SNX5: variants seen among roughly 807,000 people sequenced by gnomAD.
The protein encoded by SNX5 is sorting nexin-5.
In SNX5, 31 loss-of-function variants were observed where a neutral mutation model predicts 53.9. The observed-to-expected ratio is 0.58, with a 90% CI of 0.43 to 0.78. The LOEUF is 0.78. Among genes scored for constraint, SNX5 ranks in the 30% least tolerant of loss-of-function variants. The pLI, the probability that SNX5 is intolerant of heterozygous loss-of-function variation, is 0.00. For synonymous variants in SNX5, 168 were observed against 171.1 expected (o/e 0.98, Z 0.14); for missense variants, 471 against 478.8 (o/e 0.98, Z 0.15).
At chr20:17,949,260 A>G (rs1191027891) in intron 8 of SNX5, among the ~76,000 whole-genome samples, 157 bp from the exon 9 acceptor site, 5 of 152,176 alleles carry the variant, frequency 3.3e-5, no homozygotes, top group South Asian at 2.1e-4. Context: ...ACTGACCCCA[A>G]ATAGTAGAGA....
rs2039434229 is a variant in SNX5 at position 17,942,739 on chromosome 20, G to A, written c.1165-332C>T. Reference sequence around the variant, plus strand: ...AGTGCGTTGTTCCATGAAGGCAAGGGCCTTGGAAAGATTGAATAAAAGTTG... The same window carrying A: ...AGTGCGTTGTTCCATGAAGGCAAGGACCTTGGAAAGATTGAATAAAAGTTG... On this transcript the variant is annotated intron_variant, in intron 12 of 12. Coordinates refer to ENST00000377759, the MANE Select transcript of SNX5 (RefSeq NM_014426.4). 3.7e-5 allele frequency: 14 copies of A among 373,924 alleles called. No individual in the cohort carries two copies. The South Asian group carries it at 5.1e-4, about 14-fold the overall frequency. 23.2% of individuals were successfully genotyped at this position (373,924 alleles called of 1,614,324 possible).
Position 17,941,649 on chromosome 20 carries a change from A to G in SNX5, c.*708T>C, listed in dbSNP as rs931587892. The G allele has an allele frequency of 6.6e-6, 1 of 152,164 alleles. No homozygotes were observed. Among genetic ancestry groups the G allele is most frequent in the African/African-American group, 2.4e-5 (1 of 41,410 alleles). 9.4% of individuals were successfully genotyped at this position (152,164 alleles called of 1,614,324 possible). On this transcript the variant is annotated 3_prime_UTR_variant, in exon 13 of 13. Transcript: ENST00000377759. The stretch of plus-strand genomic sequence containing the variant: ...ATGCTTTATAAAAAAACAAACACCC[A>G]AAGACATACAACACACCGCCCTCAC...
At chr20:17,958,002 CAAAAAA>C (rs59621613) in intron 1 of SNX5, among the ~76,000 whole-genome samples, 8 of 107,832 alleles carry the variant, frequency 7.4e-5, no homozygotes, top group African/African-American at 1.4e-4. Context: ...TTCTGCCCGT[CAAAAAA>C]AAAAAAAAAA....
chr20:17,951,431 C>G, intron 6 of SNX5, 69 bp downstream of exon 6: 1 of 894,164 alleles, frequency 1.1e-6, no homozygotes. Flanking sequence ...GTATCTCTTT[C>G]AAAGAAACAA....
Position 17,968,502 on chromosome 20 carries a change from G to C in SNX5, c.-77C>G, listed in dbSNP as rs968268850. 4.8e-6 allele frequency: 6 copies of C among 1,260,088 alleles called. No homozygotes were observed. Among genetic ancestry groups the C allele is most frequent in the Non-Finnish European group, 6.0e-6 (6 of 991,864 alleles). The allele number at this position is 1,260,088 out of a possible 1,614,324, so 78.1% of individuals were successfully genotyped here. ...GCTGGGCCGCCGCCGCCGCCGCCTG[G>C]GCGCCTCTCGGGGGCGGCCACGGCC... On this transcript the variant is annotated 5_prime_UTR_variant, in exon 1 of 13. Coordinates refer to ENST00000377759, the MANE Select transcript of SNX5 (RefSeq NM_014426.4).
At position 17,951,506 on chromosome 20, in the gene SNX5, T is replaced by G. The variant is rs1429912003; in HGVS notation, c.603A>C (p.Gly201=). 1.2e-6 allele frequency: 2 copies of G among 1,608,460 alleles called. No homozygotes were observed. The highest frequency in any genetic ancestry group is 1.7e-6 in the Non-Finnish European group (2 of 1,176,608). ...VKSADEVLFT[G]VKEVDDFFEQ... is the part of the protein sequence containing the mutation. ...ACAGCCAAAGGTCACTTACCTTAAC[T>G]CCAGTAAAAAGGACTTCATCAGCAC... Residue 201 remains glycine (G), a synonymous_variant, in exon 6 of 13, where the codon GGA becomes GGC. Coordinates refer to ENST00000377759, the MANE Select transcript of SNX5 (RefSeq NM_014426.4).
intron 12 of SNX5, chr20:17,942,773 T>C (rs979709349): frequency 2.8e-6 from 1 of 361,224 alleles, no homozygotes; most frequent in African/African-American, 2.1e-5. Context: ...TGCTAGAAAT[T>C]AGGGCTGGGA....
chr20:17,943,796 G>A (rs1219864202), intron 11 of SNX5: 1 of 152,160 alleles, frequency 6.6e-6, no homozygotes, highest in Non-Finnish European at 1.5e-5. Flanking sequence ...TGGTATAGAG[G>A]TTCCTCAAAA....
intron 12 of SNX5, 33 bp downstream of exon 12, chr20:17,943,077 A>C: frequency 7.1e-7 from 1 of 1,410,004 alleles, no homozygotes; most frequent in Non-Finnish European, 1.0e-6. Context: ...AAAACCATAA[A>C]AGATGTTGGC....
Position 17,956,673 on chromosome 20 carries a change from C to CAAAAAAAAAAAA in SNX5, c.156+248_156+259dup, listed in dbSNP as rs59252584. Among the ~76,000 whole-genome samples the CAAAAAAAAAAAA allele has an allele frequency of 8.7e-4, 74 of 84,866 alleles. 3 individuals carry two copies. Among genetic ancestry groups the CAAAAAAAAAAAA allele is most frequent in the African/African-American group, 1.6e-3 (33 of 21,004 alleles). 55.7% of individuals were successfully genotyped at this position (84,866 alleles called of 152,430 possible). A position where few individuals can be genotyped will look rare whatever the true frequency, so the allele number is the denominator to read the frequency against. The stretch of plus-strand genomic sequence containing the variant: ...CTGGGCAACACAATGAGACTGTCTC[C>CAAAAAAAAAAAA]AAAAAAAAAAAAAAAAAAAAAAAAA... On this transcript the variant is annotated intron_variant, in intron 2 of 12. Transcript: ENST00000377759.
At chr20:17,947,201 G>A (rs538612790) in intron 11 of SNX5, 9 of 339,942 alleles carry the variant, frequency 2.6e-5, no homozygotes, top group African/African-American at 1.9e-4. Flanking sequence ...AACCATACAA[G>A]AGAATGTCTT....
chr20:17,943,946 A>T (rs529130602), intron 11 of SNX5: 1 of 152,408 alleles, frequency 6.6e-6, no homozygotes, highest in African/African-American at 2.4e-5. Flanking sequence ...TACAAAATCA[A>T]TTGAGAATTA....
At chr20:17,964,129 G>A (rs59955989) in intron 1 of SNX5, among the ~76,000 whole-genome samples, 14,594 of 152,076 alleles carry the variant, frequency 0.096, 746 homozygotes, top group Non-Finnish European at 0.12. Flanking sequence ...ATATAGGAAG[G>A]GTGAGGGAAG....
At chr20:17,961,995 T>C in intron 1 of SNX5, 3 of 976,366 alleles carry the variant, frequency 3.1e-6, no homozygotes, top group East Asian at 1.1e-4. Flanking sequence ...ACATGATACA[T>C]ATTTAGGAAA....
At chr20:17,951,667 A>C in intron 5 of SNX5, 72 bp from the exon 6 acceptor site, 1 of 1,044,834 alleles carries the variant, frequency 9.6e-7, no homozygotes, top group Non-Finnish European at 1.5e-6. Context: ...AGTTCTGAGT[A>C]ACATTTTAAG....
chr20:17,954,627 G>T (rs7268634), intron 3 of SNX5, among the ~76,000 whole-genome samples: 1 of 151,974 alleles, frequency 6.6e-6, no homozygotes, highest in Non-Finnish European at 1.5e-5. Flanking sequence ...AGGACAAAAC[G>T]CGTGGAAATC....
chr20:17,953,194 G>A (rs545034682), intron 4 of SNX5, among the ~76,000 whole-genome samples: 2 of 152,118 alleles, frequency 1.3e-5, no homozygotes, highest in Admixed American at 6.5e-5. Flanking sequence ...AGCTGGTCCC[G>A]AGAGCCACTC....
rs1308559056 is a variant in SNX5, at chr20:17,954,041, G to C, written c.344C>G (p.Ser115Cys). Residue 115 changes from serine to cysteine, a missense_variant, in exon 4 of 13, where the codon TCT (serine) becomes TGT (cysteine). Ser to Cys is a moderately radical substitution (Grantham distance 112). Coordinates refer to ENST00000377759, the MANE Select transcript of SNX5 (RefSeq NM_014426.4). Reference sequence around the variant, plus strand: ...CTTGGCAAATTCTTCTTTGGTCATAGACCCTTCACCTTCTCCCAGTTTCTG... The same window carrying C: ...CTTGGCAAATTCTTCTTTGGTCATACACCCTTCACCTTCTCCCAGTTTCTG... ...KMQKLGEGEG[S>C]MTKEEFAKMK... 6 of 1,613,924 alleles carry C rather than the reference G, an allele frequency of 3.7e-6. No homozygotes were observed. In the Admixed American group the frequency reaches 1.0e-4, roughly 27 times the overall value.
At chr20:17,950,869 C>T (rs6111754) in intron 6 of SNX5, among the ~76,000 whole-genome samples, 39,974 of 152,036 alleles carry the variant, frequency 0.26, 5,746 homozygotes, top group East Asian at 0.44. Flanking sequence ...GGACCAAGTC[C>T]GAGTTTCCTA....
Sources: allele counts gnomAD v4.1 joint callset (sites outside exome capture counted in the v4.1 genomes callset), GRCh38; gene constraint gnomAD v4.1.1; transcripts MANE v1.5; gene names NCBI Gene and HGNC (gene_info 2026-07-23, HGNC 2026-07-21).